SLIT2: variants seen among roughly 807,000 people sequenced by gnomAD.
SLIT2 encodes slit homolog 2 protein.
In SLIT2, 41 loss-of-function variants were observed where a neutral mutation model predicts 185.7. That is an observed-to-expected ratio of 0.22 (90% CI 0.17 to 0.29). SLIT2 has a LOEUF of 0.29. Among genes scored for constraint, SLIT2 ranks in the 10% least tolerant of loss-of-function variants. SLIT2 has a pLI of 1.00. For missense variants in SLIT2, 1,571 were observed against 1,909.0 expected (o/e 0.82, Z 3.30); for synonymous variants, 693 against 680.2 (o/e 1.02, Z -0.29).
chr4:20,293,544 G>A (rs1426775324), intron 4 of SLIT2, among the ~76,000 whole-genome samples: 1 of 152,204 alleles, frequency 6.6e-6, no homozygotes, highest in Non-Finnish European at 1.5e-5. Context: ...ATCAAGTGAA[G>A]TTCTTAACGC....
At chr4:20,504,426 A>T (rs1049306567) in intron 9 of SLIT2, among the ~76,000 whole-genome samples, 3 of 152,168 alleles carry the variant, frequency 2.0e-5, no homozygotes, top group African/African-American at 7.2e-5. Flanking sequence ...TACAGACACA[A>T]TCAATCCAAA....
At chr4:20,361,125 C>CT (rs145647748) in intron 4 of SLIT2, among the ~76,000 whole-genome samples, 8,733 of 152,074 alleles carry the variant, frequency 0.057, 471 homozygotes, top group East Asian at 0.19. Flanking sequence ...TAGAATTTTT[C>CT]TTTTTTAACT....
intron 4 of SLIT2, among the ~76,000 whole-genome samples, chr4:20,449,779 T>C (rs1211269481): frequency 1.3e-5 from 2 of 152,204 alleles, no homozygotes; most frequent in African/African-American, 2.4e-5. Context: ...AACTAGACTA[T>C]TGAGGAATTA....
chr4:20,401,653 C>CATTCT (rs979498242), intron 4 of SLIT2, among the ~76,000 whole-genome samples: 9 of 152,002 alleles, frequency 5.9e-5, no homozygotes, highest in Admixed American at 3.9e-4. Flanking sequence ...GTCTAAACTA[C>CATTCT]ATTCTACAAC....
At chr4:20,356,555 G>A (rs2109279786) in intron 4 of SLIT2, among the ~76,000 whole-genome samples, 1 of 152,278 alleles carries the variant, frequency 6.6e-6, no homozygotes, top group African/African-American at 2.4e-5. Flanking sequence ...AGTGTCCAAT[G>A]CATTTAAAGC....
intron 4 of SLIT2, among the ~76,000 whole-genome samples, chr4:20,464,370 C>G (rs760117446): frequency 2.0e-5 from 3 of 152,140 alleles, no homozygotes; most frequent in African/African-American, 4.8e-5. Flanking sequence ...AGGATGCATT[C>G]CCCAGTTGGT....
chr4:20,475,141 A>T (rs958875195), intron 5 of SLIT2, among the ~76,000 whole-genome samples: 9 of 152,040 alleles, frequency 5.9e-5, no homozygotes, highest in Non-Finnish European at 7.4e-5. Context: ...TTCAATCTGT[A>T]CAGAAGCTCT....
chr4:20,618,628 C>A, intron 36 of SLIT2, 140 bp from the exon 37 acceptor site: 1 of 779,948 alleles, frequency 1.3e-6, no homozygotes, highest in Non-Finnish European at 2.0e-6. Flanking sequence ...GAATAGGAGG[C>A]CGTGCCACCA....
chr4:20,496,667 C>G (rs1718255307), intron 9 of SLIT2, among the ~76,000 whole-genome samples: 1 of 152,110 alleles, frequency 6.6e-6, no homozygotes, highest in South Asian at 2.1e-4. Context: ...TCTATCTCTT[C>G]TACTGAAGTA....
chr4:20,509,646 A>G (rs1423707064), intron 9 of SLIT2, among the ~76,000 whole-genome samples: 1 of 152,124 alleles, frequency 6.6e-6, no homozygotes, highest in Non-Finnish European at 1.5e-5. Context: ...GATCATAACG[A>G]TGTTTGTTTG....
chr4:20,303,263 A>T (rs2109112051), intron 4 of SLIT2, among the ~76,000 whole-genome samples: 1 of 152,318 alleles, frequency 6.6e-6, no homozygotes, highest in South Asian at 2.1e-4. Context: ...TACCCTTACA[A>T]GCCAGGCACT....
At chr4:20,268,442 G>A (rs1713264110) in intron 3 of SLIT2, among the ~76,000 whole-genome samples, 2 of 151,594 alleles carry the variant, frequency 1.3e-5, no homozygotes, top group Non-Finnish European at 2.9e-5. Context: ...GACTGTGTAT[G>A]GATTATTTTA....
chr4:20,538,913 A>G (rs996976154), intron 18 of SLIT2, among the ~76,000 whole-genome samples: 2 of 152,026 alleles, frequency 1.3e-5, no homozygotes, highest in African/African-American at 4.8e-5. Context: ...AAATAAAATT[A>G]TTCGTGTAGT....
At chr4:20,368,219 C>CAAAAAAAAAAAAAAAGAAAAAAAAAAAAA (rs1723279346) in intron 4 of SLIT2, among the ~76,000 whole-genome samples, 1 of 107,426 alleles carries the variant, frequency 9.3e-6, no homozygotes, top group African/African-American at 3.8e-5. Flanking sequence ...CACAAAATAG[C>CAAAAAAAAAAAAAAAGAAAAAAAAAAAAA]AAAAAAAAAA....
chr4:20,618,268 G>A (rs1004578083), intron 36 of SLIT2, among the ~76,000 whole-genome samples: 4 of 152,198 alleles, frequency 2.6e-5, no homozygotes, highest in South Asian at 2.1e-4. Flanking sequence ...CAAGAGGAAC[G>A]TGCCCATGGA....
At chr4:20,306,644 G>C (rs1717573510) in intron 4 of SLIT2, among the ~76,000 whole-genome samples, 1 of 151,760 alleles carries the variant, frequency 6.6e-6, no homozygotes, top group Non-Finnish European at 1.5e-5. Context: ...TTTTTGTTTT[G>C]TTTTGTTTTA....
rs73803865 is a variant in SLIT2 at position 20,306,036 on chromosome 4, A to G, written c.395+37155A>G. Among the ~76,000 whole-genome samples the G allele has an allele frequency of 5.0e-3, 760 of 152,124 alleles. 7 individuals carry two copies. Among genetic ancestry groups the G allele is most frequent in the African/African-American group, 0.018 (738 of 41,498 alleles). The stretch of plus-strand genomic sequence containing the variant: ...TAATTCTTACATCTTCATTGCTTCC[A>G]ATTTGGTCAAGAAAGAAACCCTAGA... On this transcript the variant is annotated intron_variant, in intron 4 of 36. Coordinates refer to ENST00000504154, the MANE Select transcript of SLIT2 (RefSeq NM_004787.4).
At chr4:20,425,833 A>G (rs1267473642) in intron 4 of SLIT2, among the ~76,000 whole-genome samples, 1 of 152,176 alleles carries the variant, frequency 6.6e-6, no homozygotes, top group Non-Finnish European at 1.5e-5. Context: ...ACTCAAGTGT[A>G]GCATTATTTC....
At chr4:20,537,640 G>C (rs546392206) in intron 18 of SLIT2, among the ~76,000 whole-genome samples, 1 of 152,166 alleles carries the variant, frequency 6.6e-6, no homozygotes, top group East Asian at 1.9e-4. Flanking sequence ...AGATATTCAC[G>C]GACTCCCTCC....
Sources: gnomAD v4.1 joint callset for allele counts (sites outside exome capture counted in the v4.1 genomes callset) on GRCh38, gnomAD v4.1.1 for gene constraint, MANE v1.5 for transcripts, NCBI Gene and HGNC (gene_info 2026-07-23, HGNC 2026-07-21) for gene names.